The following FYB1 variants were observed in gnomAD, a reference collection of about 807,000 sequenced individuals.
FYB1 encodes the protein FYN binding protein 1, also known as FYN-binding protein 1.
In FYB1, 41 loss-of-function variants were observed where a neutral mutation model predicts 94.1. The ratio of observed to expected loss-of-function variants is 0.44; its 90% CI spans 0.34 to 0.57. FYB1 has a LOEUF of 0.57. Ranked by LOEUF, FYB1 falls within the 20% of genes least tolerant of loss-of-function variation. The pLI, the probability that FYB1 is intolerant of heterozygous loss-of-function variation, is 0.02. For synonymous variants in FYB1, 367 were observed against 353.2 expected (o/e 1.04, Z -0.44); for missense variants, 1,050 against 976.8 (o/e 1.07, Z -1.00).
intron 1 of FYB1, among the ~76,000 whole-genome samples, chr5:39,262,911 A>G (rs1040627744): frequency 2.0e-5 from 3 of 152,222 alleles, no homozygotes; most frequent in Non-Finnish European, 4.4e-5. Flanking sequence ...TGGGAAGGCT[A>G]TTCTGAAAGG....
At chr5:39,107,500 T>G (rs1738640306) in intron 18 of FYB1, 35 bp from the exon 19 acceptor site, 1 of 1,419,354 alleles carries the variant, frequency 7.0e-7, no homozygotes, top group Non-Finnish European at 9.6e-7. Flanking sequence ...AATATAGTTA[T>G]TAAAAACATA....
At chr5:39,268,567 AT>A (rs900391335) in intron 1 of FYB1, among the ~76,000 whole-genome samples, 115 of 148,338 alleles carry the variant, frequency 7.8e-4, no homozygotes, top group East Asian at 2.6e-3. Flanking sequence ...AATATGTGTT[AT>A]TTTTTTTTTC....
At chr5:39,269,161 T>G (rs1027914732) in intron 1 of FYB1, among the ~76,000 whole-genome samples, 8 of 152,180 alleles carry the variant, frequency 5.3e-5, no homozygotes, top group African/African-American at 1.9e-4. Context: ...ACCATTCTCC[T>G]GCCTCGGCCT....
chr5:39,137,581 T>C lies in FYB1; in HGVS notation c.1515+19A>G, dbSNP rs1741778336. ...TAAAAAGATGTTATTCTTTCACTCA[T>C]TAGCAAGCAAGCCCTTACTTTAAAT... is the stretch of plus-strand genomic sequence containing the variant. On this transcript the variant is annotated intron_variant, in intron 7 of 18. Coordinates refer to ENST00000512982, the MANE Select transcript of FYB1 (RefSeq NM_001465.6). 10 of 1,535,144 alleles carry C rather than the reference T, an allele frequency of 6.5e-6. No homozygotes were observed. Among genetic ancestry groups the C allele is most frequent in the Non-Finnish European group, 8.8e-6 (10 of 1,142,026 alleles).
At chr5:39,187,838 GTT>G (rs60559853) in intron 2 of FYB1, among the ~76,000 whole-genome samples, 1,994 of 150,808 alleles carry the variant, frequency 0.013, 44 homozygotes, top group African/African-American at 0.045. Flanking sequence ...GTAGTGCTAA[GTT>G]TTTTTTTTTA....
At chr5:39,260,923 A>C (rs1752182400) in intron 1 of FYB1, among the ~76,000 whole-genome samples, 1 of 151,998 alleles carries the variant, frequency 6.6e-6, no homozygotes, top group South Asian at 2.1e-4. Context: ...AGTGATGTTC[A>C]TTTCCTCCAA....
Position 39,106,085 on chromosome 5 carries a change from G to C in FYB1, c.*1358C>G, listed in dbSNP as rs1054679291. 1.3e-5 allele frequency: 2 copies of C among 152,160 alleles called. No individual in the cohort carries two copies. The highest frequency in any genetic ancestry group is 4.8e-5 in the African/African-American group (2 of 41,440). 9.4% of individuals were successfully genotyped at this position (152,160 alleles called of 1,614,324 possible). ...GCATTAATCATTATTTAATCAATGA[G>C]TTTAAAAAATAGACAAAAGCTTCTG... On this transcript the variant is annotated 3_prime_UTR_variant, in exon 19 of 19. Coordinates refer to ENST00000512982, the MANE Select transcript of FYB1 (RefSeq NM_001465.6).
chr5:39,108,578 AT>A (rs1193477598), intron 17 of FYB1, among the ~76,000 whole-genome samples: 1 of 152,074 alleles, frequency 6.6e-6, no homozygotes, highest in African/African-American at 2.4e-5. Flanking sequence ...CCCATTGGGG[AT>A]GTTAATTCAA....
chr5:39,116,992 C>T (rs1739632554), intron 16 of FYB1, among the ~76,000 whole-genome samples: 1 of 152,106 alleles, frequency 6.6e-6, no homozygotes, highest in Non-Finnish European at 1.5e-5. Context: ...AGAATTTCTT[C>T]TACCATACCA....
At chr5:39,255,760 AG>A (rs1751912255) in intron 1 of FYB1, among the ~76,000 whole-genome samples, 2 of 152,232 alleles carry the variant, frequency 1.3e-5, no homozygotes, top group African/African-American at 4.8e-5. Context: ...TCAGGAACAA[AG>A]TAGGTAACAT....
chr5:39,159,499 G>A (rs1229349285), intron 2 of FYB1, among the ~76,000 whole-genome samples: 3 of 152,278 alleles, frequency 2.0e-5, no homozygotes, highest in African/African-American at 7.2e-5. Flanking sequence ...GTCTCACTGA[G>A]ATCTTACCAC....
rs66997439 is a variant in FYB1, at chr5:39,226,398, TAAAA to T, written c.-27-23415_-27-23412del. On this transcript the variant is annotated intron_variant, in intron 1 of 1. Transcript: ENST00000510188. ...GCCTTTCACTAGCTTTCCAAACCTTTAAAAAAAAAAAAAATCAACTCTTTAAGAG... is the reference window on the plus strand; with the variant it reads ...GCCTTTCACTAGCTTTCCAAACCTTTAAAAAAAAAATCAACTCTTTAAGAG... Among the ~76,000 whole-genome samples, 390 of 151,144 alleles carry T rather than the reference TAAAA, an allele frequency of 2.6e-3. 1 individual carries two copies. Among genetic ancestry groups the T allele is most frequent in the Middle Eastern group, 0.017 (5 of 286 alleles).
chr5:39,226,658 G>T (rs1400629564), intron 1 of FYB1, among the ~76,000 whole-genome samples: 1 of 152,148 alleles, frequency 6.6e-6, no homozygotes, highest in Admixed American at 6.5e-5. Flanking sequence ...ACTAGATCTT[G>T]TCAGGGGTAG....
chr5:39,182,287 ATGTG>A (rs57111701), intron 2 of FYB1, among the ~76,000 whole-genome samples: 182 of 140,266 alleles, frequency 1.3e-3, no homozygotes, highest in East Asian at 9.8e-3. Flanking sequence ...GTGTGCATGC[ATGTG>A]TGTGTGTGTG....
chr5:39,241,231 G>A (rs1252324838), intron 1 of FYB1, among the ~76,000 whole-genome samples: 1 of 152,038 alleles, frequency 6.6e-6, no homozygotes. Context: ...TACCCACCTG[G>A]GTGATGAAAT....
chr5:39,254,070 C>A (rs146882637), intron 1 of FYB1, among the ~76,000 whole-genome samples: 1,590 of 152,134 alleles, frequency 0.01, 31 homozygotes, highest in African/African-American at 0.036. Context: ...GTATATGTAC[C>A]ACGTTTTCTT....
intron 16 of FYB1, 28 bp from the exon 17 acceptor site, chr5:39,110,417 A>G (rs138467773): frequency 6.6e-7 from 1 of 1,508,864 alleles, no homozygotes; most frequent in African/African-American, 1.4e-5. Context: ...AATAAATTGT[A>G]TCAATAATAC....
chr5:39,220,460 G>A (rs1477199072), upstream of FYB1, among the ~76,000 whole-genome samples: 2 of 146,030 alleles, frequency 1.4e-5, no homozygotes, highest in Admixed American at 6.9e-5. Context: ...ATAAAGAGAA[G>A]GAAAGAAAGA....
chr5:39,192,589 A>G (rs1747458628), intron 2 of FYB1, among the ~76,000 whole-genome samples: 1 of 152,202 alleles, frequency 6.6e-6, no homozygotes, highest in Admixed American at 6.5e-5. Flanking sequence ...AGTTCTTATA[A>G]CAAGGGCAAA....
Sources: gnomAD v4.1 joint callset for allele counts (sites outside exome capture counted in the v4.1 genomes callset) on GRCh38, gnomAD v4.1.1 for gene constraint, MANE v1.5 for transcripts, NCBI Gene and HGNC (gene_info 2026-07-23, HGNC 2026-07-21) for gene names.